Variants in DMC1 observed in about 807,000 individuals in gnomAD.
DMC1 encodes DNA meiotic recombinase 1.
Under a neutral mutation model 50.1 loss-of-function variants are expected in DMC1, and 27 were observed. That is an observed-to-expected ratio of 0.54 (90% confidence interval 0.40 to 0.74). The LOEUF (loss-of-function observed/expected upper bound fraction) is 0.74. Ranked by LOEUF, DMC1 falls within the 30% of genes least tolerant of loss-of-function variation. The pLI is 0.00. For missense variants in DMC1, 295 were observed against 420.2 expected (o/e 0.70, Z 2.60); for synonymous variants, 148 against 136.1 (o/e 1.09, Z -0.61).
At chr22:38,552,640 T>C in intron 7 of DMC1, 26 bp downstream of exon 7, 1 of 1,479,462 alleles carries the variant, frequency 6.8e-7, no homozygotes, top group South Asian at 1.1e-5. Context: ...ATGATTATTA[T>C]TGTTATTGTT....
intron 8 of DMC1, among the ~76,000 whole-genome samples, chr22:38,544,208 T>A (rs1278393893): frequency 6.6e-6 from 1 of 152,088 alleles, no homozygotes; most frequent in Admixed American, 6.6e-5. Flanking sequence ...TCAAAAGAAG[T>A]GTGAAAGGAA....
Position 38,538,371 on chromosome 22 carries a change from GA to G in DMC1, c.698del (p.Phe233SerfsTer34), listed in dbSNP as rs767965966. 3 of 1,614,054 alleles carry G rather than the reference GA, an allele frequency of 1.9e-6. No homozygotes were observed. In the South Asian group the frequency reaches 3.3e-5, roughly 18 times the overall value. ...DSIMALFRVD[F>X]SGRGELAERQ... is the part of the protein sequence containing the mutation. ...GTTCGGCCAACTCCCCACGGCCACT[GA>G]AATCCACTCGAAAAAGTGCCATTAT... is the stretch of plus-strand genomic sequence containing the variant. On this transcript the variant is annotated frameshift_variant, in exon 11 of 14. Coordinates refer to ENST00000216024, the MANE Select transcript of DMC1 (RefSeq NM_007068.4). LOFTEE classifies it high-confidence loss of function.
chr22:38,549,000 T>G (rs1375659422), intron 8 of DMC1, among the ~76,000 whole-genome samples: 1 of 152,228 alleles, frequency 6.6e-6, no homozygotes, highest in Non-Finnish European at 1.5e-5. Context: ...GTCTTTCCTT[T>G]GTCTACCAAA....
chr22:38,543,120 A>G (rs2090304512), intron 8 of DMC1, among the ~76,000 whole-genome samples: 1 of 152,216 alleles, frequency 6.6e-6, no homozygotes, highest in South Asian at 2.1e-4. Context: ...AGCATTGGGG[A>G]AACTCTGTAG....
chr22:38,526,366 C>T (rs995461226), intron 12 of DMC1, among the ~76,000 whole-genome samples: 3 of 152,154 alleles, frequency 2.0e-5, no homozygotes, highest in East Asian at 1.9e-4. Flanking sequence ...CATGCCACCA[C>T]GCCCGGCTAA....
chr22:38,556,983 G>A (rs2090474728), intron 5 of DMC1, among the ~76,000 whole-genome samples: 1 of 152,176 alleles, frequency 6.6e-6, no homozygotes. Flanking sequence ...AACCCATTTG[G>A]AGGGAATACA....
chr22:38,558,466 G>A (rs1001055487), intron 5 of DMC1, among the ~76,000 whole-genome samples: 2 of 151,862 alleles, frequency 1.3e-5, no homozygotes, highest in Admixed American at 6.6e-5. Flanking sequence ...TGTAATCCCA[G>A]TACTTTGGGA....
intron 4 of DMC1, among the ~76,000 whole-genome samples, chr22:38,563,034 G>T (rs1282662938): frequency 2.6e-5 from 4 of 152,158 alleles, no homozygotes; most frequent in African/African-American, 7.2e-5. Context: ...CTCCCAAAGT[G>T]CTGGGATTAC....
downstream of DMC1, among the ~76,000 whole-genome samples, chr22:38,516,895 G>A (rs888146372): frequency 7.2e-5 from 11 of 152,054 alleles, no homozygotes; most frequent in East Asian, 5.8e-4. Context: ...GTGCCATCAC[G>A]GCTCATTGCA....
At chr22:38,535,670 C>T (rs1386730379) in intron 12 of DMC1, among the ~76,000 whole-genome samples, 6 of 151,432 alleles carry the variant, frequency 4.0e-5, no homozygotes, top group South Asian at 4.2e-4. Context: ...TGCAGTGGCA[C>T]GATCTTGGCT....
At chr22:38,568,448 T>A (rs1026990527) in intron 1 of DMC1, 159 bp from the exon 2 acceptor site, 24 of 631,944 alleles carry the variant, frequency 3.8e-5, no homozygotes, top group Non-Finnish European at 6.5e-5. Flanking sequence ...GTGACATTAT[T>A]TCTTGTGTGT....
chr22:38,547,064 T>C (rs2090351267), intron 8 of DMC1, among the ~76,000 whole-genome samples: 1 of 152,210 alleles, frequency 6.6e-6, no homozygotes, highest in Admixed American at 6.5e-5. Context: ...TACAATGTTT[T>C]TAGATTTTTT....
At chr22:38,533,915 T>G (rs1382392755) in intron 12 of DMC1, among the ~76,000 whole-genome samples, 1 of 152,238 alleles carries the variant, frequency 6.6e-6, no homozygotes, top group East Asian at 1.9e-4. Context: ...TATGATATAC[T>G]GAGAAGGCCA....
At chr22:38,567,724 A>C in intron 2 of DMC1, 97 bp from the exon 3 acceptor site, 1 of 889,844 alleles carries the variant, frequency 1.1e-6, no homozygotes, top group Non-Finnish European at 1.9e-6. Flanking sequence ...GAGTCACTCC[A>C]AAATGCCTCA....
Position 38,568,274 on chromosome 22 carries a change from A to G in DMC1, c.-18T>C. 1.2e-6 allele frequency: 2 copies of G among 1,613,704 alleles called. No homozygotes were observed. Among genetic ancestry groups the G allele is most frequent in the Non-Finnish European group, 1.7e-6 (2 of 1,179,588 alleles). On this transcript the variant is annotated 5_prime_UTR_variant, in exon 2 of 14. Transcript: ENST00000216024. ...TCCTTCATATTGAAAAGTGGGCAAC[A>G]GAAAAATAATCACTTCTGGGAAAAT...
chr22:38,563,335 T>C (rs887489407), intron 4 of DMC1, among the ~76,000 whole-genome samples: 1 of 152,188 alleles, frequency 6.6e-6, no homozygotes, highest in African/African-American at 2.4e-5. Flanking sequence ...TTTTATACTA[T>C]GACTGTGGTT....
chr22:38,516,871 G>A (rs959282970), downstream of DMC1, among the ~76,000 whole-genome samples: 4 of 152,106 alleles, frequency 2.6e-5, no homozygotes, highest in African/African-American at 9.7e-5. Context: ...TGTCGCCCAG[G>A]CTGGAGTACA....
At chr22:38,550,106 AAG>A in intron 7 of DMC1, 109 bp from the exon 8 acceptor site, 1 of 770,200 alleles carries the variant, frequency 1.3e-6, no homozygotes, top group East Asian at 2.7e-5. Context: ...ACATTTTGCA[AAG>A]AGTCATGATC....
chr22:38,520,600 C>T (rs180721899), intron 13 of DMC1, among the ~76,000 whole-genome samples: 57 of 152,096 alleles, frequency 3.7e-4, no homozygotes, highest in African/African-American at 1.3e-3. Context: ...TCAGGTGATC[C>T]GCCTGCCTCG....
Sources: allele counts gnomAD v4.1 joint callset (sites outside exome capture counted in the v4.1 genomes callset), GRCh38; gene constraint gnomAD v4.1.1; transcripts MANE v1.5; gene names NCBI Gene and HGNC (gene_info 2026-07-23, HGNC 2026-07-21).